The following URB1 variants were observed in gnomAD, a reference collection of about 807,000 sequenced individuals.
URB1 encodes URB1 ribosome biogenesis factor.
Under a neutral mutation model 242.3 loss-of-function variants are expected in URB1, and 197 were observed. The observed-to-expected ratio is 0.81, with a 90% CI of 0.72 to 0.91. URB1 has a LOEUF of 0.91. URB1 is among the 40% of genes least tolerant of loss of function. The pLI, the probability that URB1 is intolerant of heterozygous loss-of-function variation, is 0.00. For synonymous variants in URB1, 1,153 were observed against 1,201.8 expected (o/e 0.96, Z 0.84); for missense variants, 2,721 against 2,860.5 (o/e 0.95, Z 1.11).
chr21:32,354,735 G>T, intron 17 of URB1, 124 bp downstream of exon 17: 1 of 1,274,904 alleles, frequency 7.8e-7, no homozygotes, highest in Non-Finnish European at 1.0e-6. Context: ...GCTGGTCTTT[G>T]CTGCAAAGGG....
At chr21:32,364,448 C>G (rs1337511882) in intron 10 of URB1, among the ~76,000 whole-genome samples, 1 of 152,198 alleles carries the variant, frequency 6.6e-6, no homozygotes, top group Non-Finnish European at 1.5e-5. Context: ...GCGGTAGAAA[C>G]AAAGAGCTTT....
Position 32,319,242 on chromosome 21 carries a change from G to A in URB1, c.5767C>T (p.Leu1923Phe). Residue 1923 changes from leucine (L) to phenylalanine (F), a missense_variant, in exon 36 of 39, where the codon CTC becomes TTC. Transcript: ENST00000382751. ...CTCAGGTGCTTCATGAGCACGATGA[G>A]AACATAAAGGAACTCATTGACCAGG... Reference protein sequence around the residue: ...LHLVNEFLYVLIVLMKHLRPT... With the variant: ...LHLVNEFLYVFIVLMKHLRPT... 2.6e-6 allele frequency: 4 copies of A among 1,550,736 alleles called. No individual in the cohort carries two copies. Among genetic ancestry groups the A allele is most frequent in the Non-Finnish European group, 3.5e-6 (4 of 1,146,622 alleles).
chr21:32,349,988 G>C (rs1432031264), intron 20 of URB1, among the ~76,000 whole-genome samples: 2 of 152,122 alleles, frequency 1.3e-5, no homozygotes, highest in Non-Finnish European at 2.9e-5. Context: ...CCAGCTACTA[G>C]GGAGGCTGAC....
Position 32,348,729 on chromosome 21 carries a change from T to C in URB1, c.3012+575A>G, listed in dbSNP as rs548375685. On this transcript the variant is annotated intron_variant, in intron 21 of 38. Coordinates refer to ENST00000382751, the MANE Select transcript of URB1 (RefSeq NM_014825.3). ...AATGCTTTGCCTCACGCTGACTGGC[T>C]AATAATAGGTGGTCCCACCCAAGAA... 3.3e-5 allele frequency among the ~76,000 whole-genome samples: 5 copies of C among 152,322 alleles called. No individual in the cohort carries two copies. The South Asian group carries it at 1.0e-3, about 32-fold the overall frequency.
At chr21:32,373,811 A>T (rs763902792) in intron 6 of URB1, 39 bp from the exon 7 acceptor site, 1 of 1,457,106 alleles carries the variant, frequency 6.9e-7, no homozygotes, top group South Asian at 1.4e-5. Flanking sequence ...AAAACAAATT[A>T]TGAAAAAGTT....
intron 6 of URB1, among the ~76,000 whole-genome samples, chr21:32,374,834 T>C (rs2033442063): frequency 6.6e-6 from 1 of 152,236 alleles, no homozygotes; most frequent in Admixed American, 6.5e-5. Context: ...TGCCCCCATT[T>C]GAGAATCACT....
At chr21:32,367,192 C>G (rs906030105) in intron 9 of URB1, among the ~76,000 whole-genome samples, 5 of 152,192 alleles carry the variant, frequency 3.3e-5, no homozygotes, top group Non-Finnish European at 7.3e-5. Flanking sequence ...AATATATTCA[C>G]AGATGACAAA....
chr21:32,321,995 A>T, intron 33 of URB1, 51 bp from the exon 34 acceptor site: 1 of 1,538,206 alleles, frequency 6.5e-7, no homozygotes, highest in Non-Finnish European at 8.8e-7. Context: ...AAGTCCTTTC[A>T]TCTGACAACT....
chr21:32,368,571 G>A lies in URB1; in HGVS notation c.1029C>T (p.Phe343=). Residue 343 remains phenylalanine (F), a synonymous_variant, in exon 9 of 39, where the codon TTC becomes TTT. Transcript: ENST00000382751. ...GRGGNLTLLH[F]LLGLKTAADD... The stretch of plus-strand genomic sequence containing the variant: ...CAGCTGCAGTTTTCAAACCCAGCAA[G>A]AAGTGCAAGAGTGTCAGGTTTCCGC... 6.4e-7 allele frequency: 1 copy of A among 1,551,384 alleles called. No homozygotes were observed. The highest frequency in any genetic ancestry group is 8.7e-7 in the Non-Finnish European group (1 of 1,146,828).
At chr21:32,333,688 C>A (rs2833772) in intron 29 of URB1, among the ~76,000 whole-genome samples, 127,944 of 152,186 alleles carry the variant, frequency 0.84, 54,133 homozygotes, top group Admixed American at 0.89. Context: ...TGTACACTGA[C>A]CCTCAGGAAA....
intron 32 of URB1, among the ~76,000 whole-genome samples, chr21:32,324,270 A>T (rs2032800529): frequency 1.3e-5 from 2 of 151,968 alleles, no homozygotes; most frequent in African/African-American, 4.8e-5. Flanking sequence ...TCTGGATTTC[A>T]CCCCCCAGGG....
chr21:32,312,181 T>A lies in URB1; in HGVS notation c.*2737A>T. 1.3e-6 allele frequency: 2 copies of A among 1,504,042 alleles called. No homozygotes were observed. Among genetic ancestry groups the A allele is most frequent in the Non-Finnish European group, 1.8e-6 (2 of 1,129,924 alleles). The allele number at this position is 1,504,042 out of a possible 1,614,324, so 93.2% of individuals were successfully genotyped here. A position where few individuals can be genotyped will look rare whatever the true frequency, so the allele number is the denominator to read the frequency against. ...TGCAGTGGCCCCTCGAGTGCAGAGGTCATCCCAGGTGTTGCTGAGTTTATT... is the reference window on the plus strand; with the variant it reads ...TGCAGTGGCCCCTCGAGTGCAGAGGACATCCCAGGTGTTGCTGAGTTTATT... On this transcript the variant is annotated 3_prime_UTR_variant, in exon 39 of 39. Coordinates refer to ENST00000382751, the MANE Select transcript of URB1 (RefSeq NM_014825.3).
rs947126275 is a variant in URB1, at chr21:32,325,269, T to C, written c.5081A>G (p.Tyr1694Cys). Residue 1694 changes from tyrosine to cysteine, a missense_variant, in exon 31 of 39, where the codon TAC becomes TGC. Physicochemically the swap from Tyr to Cys is radical, Grantham distance 194. Transcript: ENST00000382751. The stretch of plus-strand genomic sequence containing the variant: ...GAACCGTGCGCCCTCCAAGTGCGAG[T>C]AGTAGGCCGCCAGGACATGGTAGGC... ...AIAYHVLAAY[Y>C]SHLEGARFQE... is the part of the protein sequence containing the mutation. 264 of 1,551,472 alleles carry C rather than the reference T, an allele frequency of 1.7e-4. No individual in the cohort carries two copies. The highest frequency in any genetic ancestry group is 2.1e-4 in the Non-Finnish European group (243 of 1,146,966).
intron 32 of URB1, 147 bp from the exon 33 acceptor site, chr21:32,322,731 A>C (rs1039113213): frequency 1.6e-6 from 1 of 643,134 alleles, no homozygotes; most frequent in African/African-American, 1.8e-5. Flanking sequence ...CTGGCTCTTG[A>C]GAATGAGAAC....
chr21:32,316,507 AGGGCTTCCATGGCCGGGTGGAAG>A lies in URB1; in HGVS notation c.6570_6592del (p.Phe2191LeufsTer7). On this transcript the variant is annotated frameshift_variant, in exon 38 of 39. Coordinates refer to ENST00000382751, the MANE Select transcript of URB1 (RefSeq NM_014825.3). LOFTEE classifies it low-confidence loss of function (END_TRUNC). ...CTTCTCACTCAGAGAAGACAGGGAG[AGGGCTTCCATGGCCGGGTGGAAG>A]GGGCTCCCTGCCCGGCCCTGGGCAG... is the stretch of plus-strand genomic sequence containing the variant. 1 of 1,545,740 alleles carries A rather than the reference AGGGCTTCCATGGCCGGGTGGAAG, an allele frequency of 6.5e-7. No individual in the cohort carries two copies. Among genetic ancestry groups the A allele is most frequent in the South Asian group, 1.2e-5 (1 of 83,128 alleles).
Position 32,312,904 on chromosome 21 carries a change from C to T in URB1, c.*2014G>A, listed in dbSNP as rs1425910780. 1.3e-5 allele frequency: 2 copies of T among 152,170 alleles called. No homozygotes were observed. The highest frequency in any genetic ancestry group is 6.5e-5 in the Admixed American group (1 of 15,270). The allele number at this position is 152,170 out of a possible 1,614,324, so 9.4% of individuals were successfully genotyped here. ...TTTATATTTTAAGTCAGGTGAAGAC[C>T]ATGTTCGATCTATTCTCCATGGGAT... On this transcript the variant is annotated 3_prime_UTR_variant, in exon 39 of 39. Coordinates refer to ENST00000382751, the MANE Select transcript of URB1 (RefSeq NM_014825.3).
In URB1 at chr21:32,315,068, T is replaced by C; in HGVS notation, c.6666A>G (p.Ile2222Met). Residue 2222 changes from isoleucine to methionine, a missense_variant, in exon 39 of 39, where the codon ATA (isoleucine) becomes ATG (methionine). By Grantham distance (10) the Ile-to-Met change is conservative (BLOSUM62 1). Transcript: ENST00000382751. ...GCTGAGCCCCCAGCCAGATGTCCTT[T>C]ATGTAGAGAGACACTAGGAATGCTG... The part of the protein sequence containing the change: ...ASAAFLVSLY[I>M]KDIWLGAQRP... The C allele has an allele frequency of 5.8e-6, 9 of 1,545,086 alleles. No individual in the cohort carries two copies. Among genetic ancestry groups the C allele is most frequent in the Non-Finnish European group, 7.0e-6 (8 of 1,142,344 alleles).
At chr21:32,366,522 A>G (rs1344834376) in intron 10 of URB1, 96 bp downstream of exon 10, 5 of 1,493,616 alleles carry the variant, frequency 3.3e-6, no homozygotes, top group Non-Finnish European at 4.5e-6. Flanking sequence ...AAACACAATC[A>G]AACACATCCA....
chr21:32,383,120 G>A (rs910120268), intron 4 of URB1, among the ~76,000 whole-genome samples: 1 of 152,198 alleles, frequency 6.6e-6, no homozygotes, highest in South Asian at 2.1e-4. Flanking sequence ...CATTTACCAG[G>A]AGAGGAGATG....
Sources: allele counts gnomAD v4.1 joint callset (sites outside exome capture counted in the v4.1 genomes callset), GRCh38; gene constraint gnomAD v4.1.1; transcripts MANE v1.5; gene names NCBI Gene and HGNC (gene_info 2026-07-23, HGNC 2026-07-21).